The following RIMS1 variants were observed in gnomAD, a reference collection of about 807,000 sequenced individuals.
RIMS1 encodes regulating synaptic membrane exocytosis protein 1.
Under a neutral mutation model 214.1 loss-of-function variants are expected in RIMS1, and 83 were observed. The ratio of observed to expected loss-of-function variants is 0.39; its 90% confidence interval spans 0.32 to 0.47. The LOEUF is 0.47. RIMS1 is among the 20% of genes least tolerant of loss of function. RIMS1 has a pLI of 0.99. For missense variants in RIMS1, 2,050 were observed against 2,161.8 expected, an observed-to-expected ratio of 0.95 and a Z score of 1.03; for synonymous variants, 793 against 786.8, an observed-to-expected ratio of 1.01 and a Z score of -0.13.
At chr6:72,078,224 G>C (rs1256903669) in intron 2 of RIMS1, among the ~76,000 whole-genome samples, 1 of 152,180 alleles carries the variant, frequency 6.6e-6, no homozygotes, top group Non-Finnish European at 1.5e-5. Flanking sequence ...ACTATAGAAA[G>C]GTGAGCAGCA....
At chr6:72,036,010 T>C (rs1317485276) in intron 2 of RIMS1, among the ~76,000 whole-genome samples, 1 of 152,144 alleles carries the variant, frequency 6.6e-6, no homozygotes, top group African/African-American at 2.4e-5. Flanking sequence ...ATTTGGTGGA[T>C]TCAAATCTAT....
chr6:71,942,757 A>G (rs1188891566), intron 1 of RIMS1, among the ~76,000 whole-genome samples: 2 of 152,090 alleles, frequency 1.3e-5, no homozygotes, highest in East Asian at 1.9e-4. Context: ...AGAATATCAC[A>G]TATAAAAATT....
intron 2 of RIMS1, among the ~76,000 whole-genome samples, chr6:72,024,859 G>A (rs1483116887): frequency 6.8e-6 from 1 of 146,030 alleles, no homozygotes; most frequent in Non-Finnish European, 1.5e-5. Context: ...ATAATATATA[G>A]TAGAGCAGAG....
At chr6:72,221,315 T>A (rs1190146688) in intron 6 of RIMS1, among the ~76,000 whole-genome samples, 2 of 151,728 alleles carry the variant, frequency 1.3e-5, no homozygotes, top group East Asian at 3.9e-4. Flanking sequence ...TGTGTGTGTG[T>A]GTGTGTGATT....
chr6:71,990,463 T>C (rs899244754), intron 2 of RIMS1, among the ~76,000 whole-genome samples: 1 of 152,198 alleles, frequency 6.6e-6, no homozygotes, highest in African/African-American at 2.4e-5. Context: ...ATACATTTAA[T>C]GAAGCCTTGT....
chr6:72,169,631 C>T (rs531578217), intron 4 of RIMS1, among the ~76,000 whole-genome samples: 7 of 152,256 alleles, frequency 4.6e-5, no homozygotes, highest in South Asian at 2.1e-4. Context: ...TATCTGGACA[C>T]GGTGGCACAT....
At chr6:72,344,892 G>A (rs1043688070) in intron 29 of RIMS1, among the ~76,000 whole-genome samples, 1 of 151,538 alleles carries the variant, frequency 6.6e-6, no homozygotes, top group Admixed American at 6.6e-5. Context: ...AGGTTGGCTT[G>A]GCAGAAAAAA....
intron 4 of RIMS1, among the ~76,000 whole-genome samples, chr6:72,177,789 A>G (rs951648630): frequency 5.9e-5 from 9 of 152,178 alleles, no homozygotes; most frequent in African/African-American, 2.2e-4. Context: ...TGGGCAGAAG[A>G]GACTCAGTGT....
intron 29 of RIMS1, among the ~76,000 whole-genome samples, chr6:72,388,850 G>A (rs1288032185): frequency 1.3e-5 from 2 of 152,188 alleles, no homozygotes; most frequent in African/African-American, 2.4e-5. Context: ...TGGTAGTGTG[G>A]TGGAGGTGGG....
chr6:72,320,922 T>C (rs2096119947), intron 28 of RIMS1, among the ~76,000 whole-genome samples: 2 of 152,064 alleles, frequency 1.3e-5, no homozygotes, highest in South Asian at 2.1e-4. Flanking sequence ...TTTATCTTTT[T>C]TATTCATTTA....
chr6:72,318,064 A>G lies in RIMS1; in HGVS notation c.4130+4392A>G, dbSNP rs577851669. Among the ~76,000 whole-genome samples, 386 of 152,272 alleles carry G rather than the reference A, an allele frequency of 2.5e-3. 5 individuals are homozygous for G. Among genetic ancestry groups the G allele is most frequent in the African/African-American group, 7.1e-3 (297 of 41,572 alleles). Reference sequence around the variant, plus strand: ...GCTATTTTCAGTTAGTGTTCAATCTAACTATTCACTGTTCACATCTTTTTG... The same window carrying G: ...GCTATTTTCAGTTAGTGTTCAATCTGACTATTCACTGTTCACATCTTTTTG... On this transcript the variant is annotated intron_variant, in intron 28 of 33. Transcript: ENST00000521978.
intron 4 of RIMS1, among the ~76,000 whole-genome samples, chr6:72,168,742 T>C (rs2046623158): frequency 1.5e-5 from 2 of 131,286 alleles, no homozygotes; most frequent in African/African-American, 2.7e-5. Context: ...TTTTTTTTTT[T>C]TCTAGTGGGA....
intron 2 of RIMS1, among the ~76,000 whole-genome samples, chr6:72,084,202 A>C (rs983418601): frequency 6.6e-6 from 1 of 152,140 alleles, no homozygotes; most frequent in African/African-American, 2.4e-5. Context: ...ATTCTGGAAA[A>C]GTTTGCATGG....
At chr6:72,288,787 G>C (rs1277803018) in intron 24 of RIMS1, among the ~76,000 whole-genome samples, 2 of 152,106 alleles carry the variant, frequency 1.3e-5, no homozygotes, top group Non-Finnish European at 2.9e-5. Context: ...TGGCAAAGTG[G>C]CTTTCTACGC....
intron 1 of RIMS1, among the ~76,000 whole-genome samples, chr6:71,940,588 A>G (rs528213041): frequency 8.5e-5 from 13 of 152,292 alleles, no homozygotes; most frequent in Admixed American, 7.8e-4. Context: ...GACTATTGCA[A>G]TAAGGGTTAA....
chr6:71,987,550 T>G (rs2151558788), intron 2 of RIMS1, among the ~76,000 whole-genome samples: 1 of 152,320 alleles, frequency 6.6e-6, no homozygotes, highest in East Asian at 1.9e-4. Flanking sequence ...ATATGAATTT[T>G]GGGACGGTAC....
intron 2 of RIMS1, among the ~76,000 whole-genome samples, chr6:72,005,952 G>A (rs530028): frequency 0.45 from 68,768 of 151,980 alleles, 16,202 homozygotes; most frequent in Non-Finnish European, 0.52. Context: ...TTACGATAGA[G>A]TGGTTGGCTA....
intron 2 of RIMS1, among the ~76,000 whole-genome samples, chr6:72,025,090 G>A (rs1345732177): frequency 1.3e-5 from 2 of 151,900 alleles, no homozygotes; most frequent in African/African-American, 4.8e-5. Context: ...TTTTAGTAGA[G>A]ACAGGGTTTC....
chr6:72,115,124 C>T (rs1198181430), intron 4 of RIMS1, among the ~76,000 whole-genome samples: 1 of 151,906 alleles, frequency 6.6e-6, no homozygotes, highest in Non-Finnish European at 1.5e-5. Context: ...TAATCTTACA[C>T]TTCTTGGTCA....
Sources: allele counts gnomAD v4.1 joint callset (sites outside exome capture counted in the v4.1 genomes callset), GRCh38; gene constraint gnomAD v4.1.1; transcripts MANE v1.5; gene names NCBI Gene and HGNC (gene_info 2026-07-23, HGNC 2026-07-21).